The following SNCAIP variants were observed in gnomAD, a reference collection of about 807,000 sequenced individuals.
SNCAIP encodes the protein synphilin-1.
In SNCAIP, 43 loss-of-function variants were observed where a neutral mutation model predicts 86.7. The observed-to-expected ratio is 0.50, with a 90% CI of 0.39 to 0.64. SNCAIP has a LOEUF of 0.64. Among genes scored for constraint, SNCAIP ranks in the 30% least tolerant of loss-of-function variants. The probability of loss-of-function intolerance (pLI) is 0.00; values close to 1 mark genes in which losing one functional copy is unlikely to be tolerated. For missense variants in SNCAIP, 981 were observed against 1,103.1 expected, an observed-to-expected ratio of 0.89 and a Z score of 1.57; for synonymous variants, 417 against 427.2, an observed-to-expected ratio of 0.98 and a Z score of 0.29.
chr5:122,337,096 C>G (rs1756634788), intron 1 of SNCAIP, among the ~76,000 whole-genome samples: 1 of 152,144 alleles, frequency 6.6e-6, no homozygotes, highest in South Asian at 2.1e-4. Context: ...TCTACTGATT[C>G]CTAATCCCAT....
chr5:122,456,786 A>G (rs2153023091), intron 10 of SNCAIP, among the ~76,000 whole-genome samples: 1 of 152,360 alleles, frequency 6.6e-6, no homozygotes, highest in East Asian at 1.9e-4. Context: ...AAGGATAATG[A>G]TAAACCTACT....
In SNCAIP at chr5:122,390,977, A is replaced by G. The variant is rs1326009562; in HGVS notation, c.-46-112A>G. On this transcript the variant is annotated intron_variant, in intron 1 of 10. Transcript: ENST00000261368. The stretch of plus-strand genomic sequence containing the variant: ...AAGGAAGGAAATGTGCTCCAAGGCA[A>G]CACTAGCACCCAATAACCCTTCTCA... 3 of 657,208 alleles carry G rather than the reference A, an allele frequency of 4.6e-6. No homozygotes were observed. The Admixed American group carries it at 6.7e-5, about 15-fold the overall frequency. 40.7% of individuals were successfully genotyped at this position (657,208 alleles called of 1,614,324 possible).
chr5:122,408,539 G>T lies in SNCAIP; in HGVS notation c.130+4674G>T, dbSNP rs116304991. Among the ~76,000 whole-genome samples, 605 of 152,300 alleles carry T rather than the reference G, an allele frequency of 4.0e-3. 1 individual carries two copies. The highest frequency in any genetic ancestry group is 0.017 in the Middle Eastern group (5 of 294). Reference sequence around the variant, plus strand: ...AGGAGTGCCCTTTCTTTAGCTAGAAGCTTTGATTCCTATTGAAGTCTATGT... The same window carrying T: ...AGGAGTGCCCTTTCTTTAGCTAGAATCTTTGATTCCTATTGAAGTCTATGT... On this transcript the variant is annotated intron_variant, in intron 3 of 10. Transcript: ENST00000261368.
At chr5:122,338,072 CG>C (rs1756864279) in intron 1 of SNCAIP, among the ~76,000 whole-genome samples, 1 of 152,078 alleles carries the variant, frequency 6.6e-6, no homozygotes, top group African/African-American at 2.4e-5. Context: ...CAATCTCAAC[CG>C]GAAGTATTTT....
rs532706022 is a variant in SNCAIP at position 122,325,438 on chromosome 5, A to C, written c.-47+13154A>C. ...TCCCTATGGCTGTTCTCTGGGTCCT[A>C]GTAACTGTGCCCTCCCCAAGCAACT... is the stretch of plus-strand genomic sequence containing the variant. On this transcript the variant is annotated intron_variant, in intron 1 of 10. Coordinates refer to ENST00000261368, the MANE Select transcript of SNCAIP (RefSeq NM_005460.4). Among the ~76,000 whole-genome samples the C allele has an allele frequency of 1.2e-4, 19 of 152,300 alleles. No individual in the cohort carries two copies. In the East Asian group the frequency reaches 3.3e-3, roughly 26 times the overall value.
intron 5 of SNCAIP, among the ~76,000 whole-genome samples, chr5:122,428,945 A>C (rs1777881544): frequency 6.6e-6 from 1 of 152,148 alleles, no homozygotes; most frequent in African/African-American, 2.4e-5. Flanking sequence ...TGGAAGTCTT[A>C]ATAAGTTTTA....
At chr5:122,359,381 T>TTTATTTATTTATTTA (rs1761772246) in intron 1 of SNCAIP, among the ~76,000 whole-genome samples, 1 of 15,814 alleles carries the variant, frequency 6.3e-5, no homozygotes, top group African/African-American at 1.9e-4. Context: ...TTATTTATTT[T>TTTATTTATTTATTTA]GAGACAGAGT....
Position 122,351,536 on chromosome 5 carries a change from C to CAAAAA in SNCAIP, c.-47+39278_-47+39282dup, listed in dbSNP as rs541191012. 1.5e-3 allele frequency among the ~76,000 whole-genome samples: 55 copies of CAAAAA among 36,502 alleles called. 3 individuals carry two copies. The highest frequency in any genetic ancestry group is 2.8e-3 in the African/African-American group (33 of 11,978). The allele number at this position is 36,502 out of a possible 152,430, so 23.9% of individuals were successfully genotyped here. A position where few individuals can be genotyped will look rare whatever the true frequency, so the allele number is the denominator to read the frequency against. On this transcript the variant is annotated intron_variant, in intron 1 of 10. Coordinates refer to ENST00000261368, the MANE Select transcript of SNCAIP (RefSeq NM_005460.4). ...TGGGCAACAGAGTGAGACTCTGTATCAAAAAAAAAAAAAAAAAAAAAAAAA... is the reference window on the plus strand; with the variant it reads ...TGGGCAACAGAGTGAGACTCTGTATCAAAAAAAAAAAAAAAAAAAAAAAAAAAAAA...
At chr5:122,419,782 GT>G (rs1776025959) in intron 3 of SNCAIP, among the ~76,000 whole-genome samples, 1 of 152,118 alleles carries the variant, frequency 6.6e-6, no homozygotes, top group African/African-American at 2.4e-5. Context: ...TTGTTTCCAT[GT>G]ATGGTAAGAA....
intron 1 of SNCAIP, among the ~76,000 whole-genome samples, chr5:122,343,897 A>G (rs1432675805): frequency 3.3e-5 from 5 of 152,198 alleles, no homozygotes; most frequent in African/African-American, 4.8e-5. Context: ...AGACATCAAA[A>G]CATTAGCTCT....
intron 1 of SNCAIP, among the ~76,000 whole-genome samples, chr5:122,343,550 G>C (rs1240121982): frequency 6.6e-6 from 1 of 152,112 alleles, no homozygotes; most frequent in Non-Finnish European, 1.5e-5. Flanking sequence ...TTTTGTAAAT[G>C]AATCATCACT....
At chr5:122,361,164 A>G (rs1207562040) in intron 1 of SNCAIP, among the ~76,000 whole-genome samples, 1 of 150,700 alleles carries the variant, frequency 6.6e-6, no homozygotes, top group East Asian at 1.9e-4. Flanking sequence ...ATAATCAAAG[A>G]TAGTCATTTT....
chr5:122,359,432 C>T (rs569253990), intron 1 of SNCAIP, among the ~76,000 whole-genome samples: 21 of 150,860 alleles, frequency 1.4e-4, no homozygotes, highest in African/African-American at 4.9e-4. Flanking sequence ...GGTGCGATAC[C>T]AGCTCACTGG....
At position 122,318,414 on chromosome 5, in the gene SNCAIP, C is replaced by T. The variant is rs116628663; in HGVS notation, c.-47+6130C>T. Among the ~76,000 whole-genome samples, 536 of 152,290 alleles carry T rather than the reference C, an allele frequency of 3.5e-3. 5 individuals are homozygous for T. The highest frequency in any genetic ancestry group is 0.012 in the African/African-American group (514 of 41,564). The stretch of plus-strand genomic sequence containing the variant: ...TATGGCGTTGGATATACATGTGTGT[C>T]TCCCTCTGTAGACTAAATGTCTTGA... On this transcript the variant is annotated intron_variant, in intron 1 of 10. Coordinates refer to ENST00000261368, the MANE Select transcript of SNCAIP (RefSeq NM_005460.4).
At chr5:122,360,281 T>C (rs1761949765) in intron 1 of SNCAIP, among the ~76,000 whole-genome samples, 1 of 152,202 alleles carries the variant, frequency 6.6e-6, no homozygotes, top group Non-Finnish European at 1.5e-5. Flanking sequence ...CAGATGTCTA[T>C]AGTGGCACCA....
upstream of SNCAIP, chr5:122,311,958 C>A (rs1392221413): frequency 6.7e-6 from 1 of 149,426 alleles, no homozygotes; most frequent in Non-Finnish European, 1.5e-5. Flanking sequence ...GCAGCGCAGC[C>A]TGAGGGCGCG....
chr5:122,459,554 G>C (rs999076735), intron 10 of SNCAIP, among the ~76,000 whole-genome samples: 1 of 152,114 alleles, frequency 6.6e-6, no homozygotes, highest in African/African-American at 2.4e-5. Flanking sequence ...AGGGAGGATT[G>C]AATTATCCTG....
chr5:122,332,084 CAT>C (rs1048366798), intron 1 of SNCAIP, among the ~76,000 whole-genome samples: 3 of 152,152 alleles, frequency 2.0e-5, no homozygotes, highest in African/African-American at 7.2e-5. Context: ...ACTGAAAACA[CAT>C]AAAAAACTTG....
At chr5:122,440,877 A>G in intron 7 of SNCAIP, 123 bp downstream of exon 7, 1 of 902,064 alleles carries the variant, frequency 1.1e-6, no homozygotes, top group South Asian at 1.4e-5. Context: ...CGTAGACAAT[A>G]AGGAATTATT....
Sources: allele counts gnomAD v4.1 joint callset (sites outside exome capture counted in the v4.1 genomes callset), GRCh38; gene constraint gnomAD v4.1.1; transcripts MANE v1.5; gene names NCBI Gene and HGNC (gene_info 2026-07-23, HGNC 2026-07-21).